The following PHTF2 variants were observed in gnomAD, a reference collection of about 807,000 sequenced individuals.
PHTF2 encodes the protein putative homeodomain transcription factor 2.
A neutral mutation model predicts 101.2 loss-of-function variants in PHTF2; 60 were observed. The observed-to-expected ratio is 0.59, with a 90% CI of 0.48 to 0.73. PHTF2 has a LOEUF of 0.73. PHTF2 is among the 30% of genes least tolerant of loss of function. The pLI is 0.00. For missense variants in PHTF2, 747 were observed against 908.7 expected (o/e 0.82, Z 2.29); for synonymous variants, 311 against 307.3 (o/e 1.01, Z -0.13).
intron 12 of PHTF2, among the ~76,000 whole-genome samples, chr7:77,934,951 C>CA (rs796126878): frequency 0.025 from 3,268 of 129,216 alleles, 91 homozygotes; most frequent in African/African-American, 0.082. Flanking sequence ...AACACAGTCT[C>CA]AAAAAAAAAA....
intron 18 of PHTF2, 46 bp downstream of exon 17, chr7:77,951,758 T>A: frequency 1.3e-6 from 1 of 785,476 alleles, no homozygotes; most frequent in Non-Finnish European, 2.0e-6. Flanking sequence ...TATGCTGTTC[T>A]GACATAATTT....
At chr7:77,906,797 A>G (rs1801898888) in intron 7 of PHTF2, among the ~76,000 whole-genome samples, 1 of 152,106 alleles carries the variant, frequency 6.6e-6, no homozygotes, top group Non-Finnish European at 1.5e-5. Flanking sequence ...AGTCCCAGCC[A>G]CTCGGGAGCC....
intron 3 of PHTF2, among the ~76,000 whole-genome samples, chr7:77,878,564 G>A (rs1298943342): frequency 6.6e-6 from 1 of 152,076 alleles, no homozygotes; most frequent in African/African-American, 2.4e-5. Context: ...TTACAAAGGT[G>A]GTTTCAAAGG....
intron 3 of PHTF2, among the ~76,000 whole-genome samples, chr7:77,877,282 T>A (rs140522301): frequency 0.022 from 3,360 of 152,174 alleles, 52 homozygotes; most frequent in Middle Eastern, 0.068. Flanking sequence ...ATTTTTGTAT[T>A]TTCAGTAGAG....
In PHTF2 at chr7:77,922,720, C is replaced by G. The variant is rs559299935; in HGVS notation, c.1061C>G (p.Ser354Cys). ...TTACGTCGTCATGTGGACAGGACTT[C>G]TGAAGGTGTTCTTCGGAATAGAAAG... is the stretch of plus-strand genomic sequence containing the variant. The change falls in exon 11 of 20, where the codon TCT becomes TGT. Residue 354 changes from serine (S) to cysteine (C), a missense_variant. Ser to Cys is a moderately radical substitution (Grantham distance 112). Around this residue, in one of 6 missense-constraint regions of PHTF2, gnomAD observed 349 missense variants for 369.7 expected, o/e 0.94. Coordinates refer to ENST00000416283, the Ensembl canonical transcript of PHTF2. The G allele has an allele frequency of 2.7e-5, 44 of 1,608,984 alleles. No homozygotes were observed. The African/African-American group carries it at 4.9e-4, about 18-fold the overall frequency.
At chr7:77,803,922 A>G (rs1792768765) in intron 1 of PHTF2, among the ~76,000 whole-genome samples, 1 of 152,230 alleles carries the variant, frequency 6.6e-6, no homozygotes, top group Admixed American at 6.5e-5. Flanking sequence ...CATCAAACTC[A>G]TTAAACCAGA....
At chr7:77,871,293 C>T (rs1259231701) in intron 3 of PHTF2, among the ~76,000 whole-genome samples, 1 of 152,164 alleles carries the variant, frequency 6.6e-6, no homozygotes, top group Non-Finnish European at 1.5e-5. Flanking sequence ...GAATACTCTT[C>T]CTTACCTCCG....
At chr7:77,912,014 A>T (rs533425324) in intron 9 of PHTF2, among the ~76,000 whole-genome samples, 134 of 152,298 alleles carry the variant, frequency 8.8e-4, no homozygotes, top group African/African-American at 3.1e-3. Flanking sequence ...TTTGGGAATC[A>T]TTCTTTTGTT....
chr7:77,820,676 C>T (rs1794215620), intron 1 of PHTF2, among the ~76,000 whole-genome samples: 1 of 152,156 alleles, frequency 6.6e-6, no homozygotes, highest in Non-Finnish European at 1.5e-5. Flanking sequence ...CTGCACTCAT[C>T]CCAAGTTGTT....
At chr7:77,892,915 A>C (rs1800559331) in intron 3 of PHTF2, among the ~76,000 whole-genome samples, 1 of 152,216 alleles carries the variant, frequency 6.6e-6, no homozygotes, top group Non-Finnish European at 1.5e-5. Flanking sequence ...CATGTTTATA[A>C]ATTTTTAATT....
At chr7:77,901,213 A>G (rs996996582) in intron 6 of PHTF2, among the ~76,000 whole-genome samples, 1 of 152,258 alleles carries the variant, frequency 6.6e-6, no homozygotes, top group African/African-American at 2.4e-5. Flanking sequence ...TTACAATTCA[A>G]TATCAGATTT....
chr7:77,887,392 G>T (rs1799961316), intron 3 of PHTF2, among the ~76,000 whole-genome samples: 1 of 148,414 alleles, frequency 6.7e-6, no homozygotes, highest in Non-Finnish European at 1.5e-5. Flanking sequence ...CCTTCTTACT[G>T]CTTTCAGGTT....
chr7:77,855,943 C>T (rs1797144755), intron 3 of PHTF2, among the ~76,000 whole-genome samples: 1 of 152,148 alleles, frequency 6.6e-6, no homozygotes, highest in Non-Finnish European at 1.5e-5. Context: ...AAACAAAGTA[C>T]TTTGTTTACT....
intron 4 of PHTF2, 120 bp downstream of exon 3, chr7:77,893,784 T>C (rs1489100024): frequency 8.1e-6 from 5 of 619,644 alleles, no homozygotes; most frequent in African/African-American, 7.4e-5. Flanking sequence ...ATTGAAGCTT[T>C]TAAAGAAAGA....
chr7:77,799,664 C>T (rs1474709176), intron 1 of PHTF2, among the ~76,000 whole-genome samples: 1 of 152,190 alleles, frequency 6.6e-6, no homozygotes, highest in Non-Finnish European at 1.5e-5. Context: ...TGGTATTGTC[C>T]TTCGAGTCAT....
At chr7:77,801,832 A>C (rs1342595514) in intron 1 of PHTF2, among the ~76,000 whole-genome samples, 2 of 152,230 alleles carry the variant, frequency 1.3e-5, no homozygotes, top group Admixed American at 6.5e-5. Flanking sequence ...ATTCAGTTAA[A>C]GTATAGACAG....
chr7:77,936,629 G>A lies in PHTF2; in HGVS notation c.1339-1081G>A, dbSNP rs929381080. ...GCGGAGGTTGCAGTGAGCTGAGATC[G>A]CACCATTGCACTCCAGCCTGAGTAA... On this transcript the variant is annotated intron_variant, in intron 12 of 19. Transcript: ENST00000416283. Among the ~76,000 whole-genome samples the A allele has an allele frequency of 2.6e-5, 4 of 151,910 alleles. No homozygotes were observed. In the East Asian group the frequency reaches 5.8e-4, roughly 22 times the overall value.
In PHTF2 at chr7:77,910,752, C is replaced by A. The variant is rs182629595; in HGVS notation, c.776+343C>A. 1.1e-3 allele frequency among the ~76,000 whole-genome samples: 160 copies of A among 152,230 alleles called. 1 individual carries two copies. The highest frequency in any genetic ancestry group is 1.7e-3 in the Non-Finnish European group (119 of 68,012). On this transcript the variant is annotated intron_variant, in intron 9 of 19. Coordinates refer to ENST00000416283, the Ensembl canonical transcript of PHTF2. ...TACCTTCTGGGTTCAAGTGATTCTC[C>A]TGCCTCAGCCACCCGAGTAGCTGGG...
intron 1 of PHTF2, among the ~76,000 whole-genome samples, chr7:77,810,777 A>T (rs567263314): frequency 6.6e-6 from 1 of 152,206 alleles, no homozygotes; most frequent in Non-Finnish European, 1.5e-5. Flanking sequence ...ACCTCAGGTG[A>T]TCCACCCACC....
Sources: allele counts gnomAD v4.1 joint callset (sites outside exome capture counted in the v4.1 genomes callset), GRCh38; gene constraint gnomAD v4.1.1; regional missense constraint gnomAD v4.1.1; transcripts MANE v1.5; gene names NCBI Gene and HGNC (gene_info 2026-07-23, HGNC 2026-07-21).